Variants in ZFHX3 observed in about 807,000 individuals in gnomAD.
The protein encoded by ZFHX3 is zinc finger homeobox protein 3.
ZFHX3 carries 42 observed loss-of-function variants against 279.1 expected under a neutral mutation model. The observed-to-expected ratio is 0.15, with a 90% CI of 0.12 to 0.19. The LOEUF (loss-of-function observed/expected upper bound fraction) is 0.19, where lower values mean the gene tolerates loss of function less well. ZFHX3 is among the 10% of genes least tolerant of loss of function. The pLI, the probability that ZFHX3 is intolerant of heterozygous loss-of-function variation, is 1.00. For synonymous variants in ZFHX3, 2,293 were observed against 1,957.8 expected (o/e 1.17, Z -4.52); for missense variants, 4,981 against 4,754.0 (o/e 1.05, Z -1.40).
At chr16:73,543,885 GGAGA>G (rs762967059) in intron 2 of ZFHX3, 168 of 136,468 alleles carry the variant, frequency 1.2e-3, no homozygotes, top group Middle Eastern at 7.6e-3. Context: ...AGCGAGAGAG[GGAGA>G]GAGAGAGAGA....
chr16:72,809,237 C>T (rs1406042484), intron 7 of ZFHX3: 1 of 152,204 alleles, frequency 6.6e-6, no homozygotes, highest in African/African-American at 2.4e-5. Flanking sequence ...GGCCCACAGT[C>T]CCTAGACTAG....
intron 4 of ZFHX3, among the ~76,000 whole-genome samples, chr16:72,867,651 G>A (rs914003334): frequency 6.6e-6 from 1 of 151,876 alleles, no homozygotes; most frequent in African/African-American, 2.4e-5. Flanking sequence ...TTTTGCTCTT[G>A]CAGTCATTTC....
intron 2 of ZFHX3, among the ~76,000 whole-genome samples, chr16:73,473,033 G>T (rs2018696351): frequency 6.6e-6 from 1 of 151,066 alleles, no homozygotes; most frequent in Admixed American, 6.6e-5. Context: ...GGGGCCCCTG[G>T]ATGAAGATGT....
At chr16:73,773,056 G>A (rs2054037502) in intron 1 of ZFHX3, among the ~76,000 whole-genome samples, 1 of 152,208 alleles carries the variant, frequency 6.6e-6, no homozygotes, top group African/African-American at 2.4e-5. Flanking sequence ...TGCAGGGGCT[G>A]TTAGCCACAT....
chr16:73,890,528 C>G (rs1282621496), intron 1 of ZFHX3, among the ~76,000 whole-genome samples: 3 of 152,198 alleles, frequency 2.0e-5, no homozygotes, highest in African/African-American at 4.8e-5. Flanking sequence ...CCCAACCGAT[C>G]TAGTGAAAGA....
At chr16:72,905,595 G>T (rs1399869264) in intron 3 of ZFHX3, among the ~76,000 whole-genome samples, 1 of 152,142 alleles carries the variant, frequency 6.6e-6, no homozygotes, top group South Asian at 2.1e-4. Flanking sequence ...CCTCCCAGGG[G>T]GAGTAACTCA....
chr16:73,541,786 CTTTTTTTT>C (rs546761843), intron 2 of ZFHX3, among the ~76,000 whole-genome samples: 16 of 88,142 alleles, frequency 1.8e-4, no homozygotes, highest in African/African-American at 3.3e-4. Flanking sequence ...TGGTGGTTCT[CTTTTTTTT>C]TTTTTTTTTT....
intron 2 of ZFHX3, among the ~76,000 whole-genome samples, chr16:73,549,552 T>C (rs1314995137): frequency 6.6e-6 from 1 of 152,192 alleles, no homozygotes; most frequent in Admixed American, 6.5e-5. Context: ...ATCTTCTCTT[T>C]AAAACTATTT....
At chr16:73,011,661 C>T (rs902361973) in intron 1 of ZFHX3, among the ~76,000 whole-genome samples, 6 of 151,686 alleles carry the variant, frequency 4.0e-5, no homozygotes, top group African/African-American at 7.3e-5. Flanking sequence ...AGGCAGAGGT[C>T]GCAGTGCATG....
chr16:73,354,651 T>G (rs574171868), intron 3 of ZFHX3, among the ~76,000 whole-genome samples: 4 of 152,316 alleles, frequency 2.6e-5, no homozygotes, highest in African/African-American at 9.6e-5. Context: ...GGCCAAGAAT[T>G]TTCCCGCTTT....
At chr16:73,689,729 T>G (rs976097205) in intron 1 of ZFHX3, among the ~76,000 whole-genome samples, 4 of 152,228 alleles carry the variant, frequency 2.6e-5, no homozygotes, top group Non-Finnish European at 5.9e-5. Flanking sequence ...GGGTTATTAA[T>G]TTTCTTAAGA....
At chr16:73,806,140 A>C (rs1406983377) in intron 1 of ZFHX3, among the ~76,000 whole-genome samples, 3 of 152,200 alleles carry the variant, frequency 2.0e-5, no homozygotes, top group South Asian at 2.1e-4. Context: ...TCACTATCAC[A>C]AGGACAGCAG....
At chr16:73,838,509 A>G (rs1259529445) in intron 1 of ZFHX3, among the ~76,000 whole-genome samples, 1 of 152,212 alleles carries the variant, frequency 6.6e-6, no homozygotes, top group African/African-American at 2.4e-5. Flanking sequence ...GAGAACTTCA[A>G]TGAATACTAA....
chr16:73,866,606 C>CA (rs1962028458), intron 1 of ZFHX3, among the ~76,000 whole-genome samples: 2 of 151,690 alleles, frequency 1.3e-5, no homozygotes, highest in African/African-American at 4.8e-5. Flanking sequence ...CTCCAGGCCC[C>CA]AAAAAAAGAA....
At chr16:73,317,860 G>A (rs557378465) in intron 4 of ZFHX3, among the ~76,000 whole-genome samples, 1 of 152,340 alleles carries the variant, frequency 6.6e-6, no homozygotes, top group Non-Finnish European at 1.5e-5. Flanking sequence ...GAGAATTCCA[G>A]TCCTAAAAGT....
chr16:72,807,452 C>G (rs1362195120), intron 7 of ZFHX3: 1 of 152,128 alleles, frequency 6.6e-6, no homozygotes, highest in Non-Finnish European at 1.5e-5. Flanking sequence ...GAAGGGGGCC[C>G]ATGGAAGACA....
rs571168626 is a variant in ZFHX3 at position 73,504,522 on chromosome 16, T to A, written c.-1546-48264A>T. On this transcript the variant is annotated intron_variant, in intron 2 of 17. Coordinates refer to the ZFHX3 transcript ENST00000641206. ...GCTTAAAAGAAGAAGAAGTAGACAA[T>A]TATCAAAGGGAAGAGGGAGGAAGGA... 6.6e-5 allele frequency: 10 copies of A among 152,110 alleles called. No homozygotes were observed. In the East Asian group the frequency reaches 1.7e-3, roughly 26 times the overall value. 9.4% of individuals were successfully genotyped at this position (152,110 alleles called of 1,614,324 possible).
chr16:73,597,400 T>C (rs1597018915), intron 2 of ZFHX3, among the ~76,000 whole-genome samples: 1 of 152,382 alleles, frequency 6.6e-6, no homozygotes, highest in East Asian at 1.9e-4. Flanking sequence ...TTAGTGTATC[T>C]TTTTGAAAAT....
intron 3 of ZFHX3, among the ~76,000 whole-genome samples, chr16:72,896,605 C>A (rs1234393558): frequency 1.3e-5 from 2 of 152,118 alleles, no homozygotes; most frequent in African/African-American, 4.8e-5. Context: ...GTCAAAGAGA[C>A]GAAAAGAGGG....
Sources: allele counts gnomAD v4.1 joint callset (sites outside exome capture counted in the v4.1 genomes callset), GRCh38; gene constraint gnomAD v4.1.1; transcripts MANE v1.5; gene names NCBI Gene and HGNC (gene_info 2026-07-23, HGNC 2026-07-21).